Variants in VTI1A observed in about 807,000 individuals in gnomAD.
The protein encoded by VTI1A is vesicle transport through interaction with t-SNAREs 1A.
A neutral mutation model predicts 34.9 loss-of-function variants in VTI1A; 22 were observed. The observed-to-expected ratio is 0.63, with a 90% CI of 0.45 to 0.90. The LOEUF (loss-of-function observed/expected upper bound fraction) is 0.90, where lower values mean the gene tolerates loss of function less well. Ranked by LOEUF, VTI1A falls within the 40% of genes least tolerant of loss-of-function variation. The pLI, the probability that VTI1A is intolerant of heterozygous loss-of-function variation, is 0.00. For missense variants in VTI1A, 268 were observed against 275.6 expected, an observed-to-expected ratio of 0.97 and a Z score of 0.20; for synonymous variants, 87 against 97.3, an observed-to-expected ratio of 0.89 and a Z score of 0.62.
At chr10:112,713,783 A>C (rs1009389239) in intron 7 of VTI1A, among the ~76,000 whole-genome samples, 2 of 152,192 alleles carry the variant, frequency 1.3e-5, no homozygotes, top group Non-Finnish European at 2.9e-5. Flanking sequence ...GTTTTTAAGG[A>C]AAATTGCAAG....
At chr10:112,493,572 A>C (rs1848910644) in intron 3 of VTI1A, among the ~76,000 whole-genome samples, 1 of 152,034 alleles carries the variant, frequency 6.6e-6, no homozygotes, top group Admixed American at 6.6e-5. Context: ...AAGTATTCTG[A>C]TTTTCACTAT....
At chr10:112,554,674 A>G (rs895754872) in intron 5 of VTI1A, among the ~76,000 whole-genome samples, 14 of 152,160 alleles carry the variant, frequency 9.2e-5, no homozygotes, top group Admixed American at 7.9e-4. Context: ...TATTAAAATT[A>G]TAGATAATTT....
rs552761270 is a variant in VTI1A at position 112,549,663 on chromosome 10, T to C, written c.427+11333T>C. Among the ~76,000 whole-genome samples, 332 of 152,326 alleles carry C rather than the reference T, an allele frequency of 2.2e-3. 1 individual carries two copies. Among genetic ancestry groups the C allele is most frequent in the African/African-American group, 7.8e-3 (323 of 41,580 alleles). On this transcript the variant is annotated intron_variant, in intron 5 of 7. Transcript: ENST00000393077. ...AAAGTTCTTTCTCTAGAAAAAGTTTTTCTATTCATTATTTTGGACAGTGGA... is the reference window on the plus strand; with the variant it reads ...AAAGTTCTTTCTCTAGAAAAAGTTTCTCTATTCATTATTTTGGACAGTGGA...
At chr10:112,674,397 G>A (rs1160846317) in intron 7 of VTI1A, among the ~76,000 whole-genome samples, 1 of 152,152 alleles carries the variant, frequency 6.6e-6, no homozygotes, top group Admixed American at 6.5e-5. Context: ...CTTTTTGTGT[G>A]CATAAGTTTA....
chr10:112,453,039 C>T (rs1458577480), intron 1 of VTI1A, among the ~76,000 whole-genome samples: 2 of 152,128 alleles, frequency 1.3e-5, no homozygotes, highest in African/African-American at 4.8e-5. Flanking sequence ...GATTTTTAGG[C>T]CCCTCATGGC....
At chr10:112,487,180 G>A (rs1219963480) in intron 3 of VTI1A, among the ~76,000 whole-genome samples, 1 of 152,146 alleles carries the variant, frequency 6.6e-6, no homozygotes, top group African/African-American at 2.4e-5. Context: ...CTGAAGTGAG[G>A]TGGCATGATC....
At chr10:112,585,862 G>C (rs930373811) in intron 5 of VTI1A, among the ~76,000 whole-genome samples, 1 of 151,966 alleles carries the variant, frequency 6.6e-6, no homozygotes, top group African/African-American at 2.4e-5. Flanking sequence ...ACATTATCTA[G>C]CCTTAAAGAT....
chr10:112,767,287 C>T lies in VTI1A; in HGVS notation c.561-48003C>T, dbSNP rs1258225678. Among the ~76,000 whole-genome samples the T allele has an allele frequency of 6.6e-6, 1 of 152,164 alleles. No individual in the cohort carries two copies. Among genetic ancestry groups the T allele is most frequent in the African/African-American group, 2.4e-5 (1 of 41,424 alleles). ...CCTGCTACAGATGGTAAGGCCAAGGCCCAAAGTCATGAACTAGTAAGTGGA... is the reference window on the plus strand; with the variant it reads ...CCTGCTACAGATGGTAAGGCCAAGGTCCAAAGTCATGAACTAGTAAGTGGA... On this transcript the variant is annotated intron_variant, in intron 7 of 7. Coordinates refer to ENST00000393077, the MANE Select transcript of VTI1A (RefSeq NM_145206.4). The surrounding 1 kb of genome is among the most constrained non-coding windows in gnomAD (Gnocchi z 4.0).
chr10:112,603,726 A>T (rs1844966886), intron 5 of VTI1A, among the ~76,000 whole-genome samples: 1 of 152,166 alleles, frequency 6.6e-6, no homozygotes, highest in Non-Finnish European at 1.5e-5. Flanking sequence ...TCAATGAATG[A>T]CAAGAAAGAA....
At chr10:112,468,841 G>A (rs1847988147) in intron 3 of VTI1A, among the ~76,000 whole-genome samples, 2 of 152,136 alleles carry the variant, frequency 1.3e-5, no homozygotes, top group African/African-American at 4.8e-5. Context: ...ACAAGTACTG[G>A]TTACTTCAGA....
intron 5 of VTI1A, among the ~76,000 whole-genome samples, chr10:112,549,399 A>C (rs568848547): frequency 6.6e-6 from 1 of 152,238 alleles, no homozygotes; most frequent in African/African-American, 2.4e-5. Flanking sequence ...TTATGTGTCC[A>C]TAAACACTGA....
intron 2 of VTI1A, among the ~76,000 whole-genome samples, chr10:112,463,180 C>T (rs1257708133): frequency 6.6e-6 from 1 of 152,154 alleles, no homozygotes; most frequent in Non-Finnish European, 1.5e-5. Context: ...CTGCCTCGGC[C>T]TCCCGAAGTG....
intron 7 of VTI1A, among the ~76,000 whole-genome samples, chr10:112,676,052 C>T (rs1018537223): frequency 5.9e-5 from 9 of 152,064 alleles, no homozygotes; most frequent in Middle Eastern, 3.2e-3. Flanking sequence ...TTATCGTCAT[C>T]GGTTTTAAAA....
chr10:112,651,551 C>T (rs1199360309), intron 5 of VTI1A, among the ~76,000 whole-genome samples: 2 of 152,170 alleles, frequency 1.3e-5, no homozygotes, highest in Non-Finnish European at 2.9e-5. Flanking sequence ...CCTTGTGATC[C>T]GCCTGCCTCA....
intron 7 of VTI1A, among the ~76,000 whole-genome samples, chr10:112,760,274 T>C (rs1851418842): frequency 1.3e-5 from 2 of 152,170 alleles, no homozygotes; most frequent in South Asian, 4.1e-4. Flanking sequence ...TTTGATAAAG[T>C]GTAATTTATA....
chr10:112,556,145 C>T (rs573708951), intron 5 of VTI1A, among the ~76,000 whole-genome samples: 2 of 92,744 alleles, frequency 2.2e-5, no homozygotes, highest in African/African-American at 8.2e-5. Flanking sequence ...GTTTCGCATA[C>T]ACTTTTCATG....
At chr10:112,580,390 A>G (rs1843882947) in intron 5 of VTI1A, among the ~76,000 whole-genome samples, 1 of 152,216 alleles carries the variant, frequency 6.6e-6, no homozygotes, top group South Asian at 2.1e-4. Flanking sequence ...GAAGATGGGA[A>G]AGGCTGAGAA....
At position 112,646,198 on chromosome 10, in the gene VTI1A, A is replaced by G. The variant is rs553110247; in HGVS notation, c.428-22020A>G. Among the ~76,000 whole-genome samples, 27 of 152,270 alleles carry G rather than the reference A, an allele frequency of 1.8e-4. 1 individual carries two copies. Among genetic ancestry groups the G allele is most frequent in the African/African-American group, 5.3e-4 (22 of 41,554 alleles). On this transcript the variant is annotated intron_variant, in intron 5 of 7. Coordinates refer to ENST00000393077, the MANE Select transcript of VTI1A (RefSeq NM_145206.4). ...TTGTTTTAAATATTTATCATATACC[A>G]TTAGTTTCAGGTCAATATTATGTGC...
chr10:112,640,070 A>G (rs1457522701), intron 5 of VTI1A, among the ~76,000 whole-genome samples: 4 of 152,184 alleles, frequency 2.6e-5, no homozygotes, highest in Admixed American at 2.0e-4. Context: ...AAATAGAAAT[A>G]TGAAATTATT....
Sources: allele counts gnomAD v4.1 joint callset (sites outside exome capture counted in the v4.1 genomes callset), GRCh38; gene constraint gnomAD v4.1.1; non-coding constraint Gnocchi (gnomAD v3.1); transcripts MANE v1.5; gene names NCBI Gene and HGNC (gene_info 2026-07-23, HGNC 2026-07-21).